PHEX: variants seen among roughly 807,000 people sequenced by gnomAD.
The protein encoded by PHEX is phosphate regulating endopeptidase X-linked, also known as phosphate-regulating neutral endopeptidase PHEX.
Under a neutral mutation model 68.0 loss-of-function variants are expected in PHEX, and 16 were observed. The ratio of observed to expected loss-of-function variants is 0.24; its 90% confidence interval spans 0.16 to 0.36. The LOEUF is 0.36. Among genes scored for constraint, PHEX ranks in the 10% least tolerant of loss-of-function variants. The probability of loss-of-function intolerance (pLI) is 1.00; values close to 1 mark genes in which losing one functional copy is unlikely to be tolerated. For missense variants in PHEX, 480 were observed against 575.5 expected, an observed-to-expected ratio of 0.83 and a Z score of 1.70; for synonymous variants, 208 against 205.1, an observed-to-expected ratio of 1.01 and a Z score of -0.12.
chrX:22,113,967 C>G (rs1459096467), intron 10 of PHEX, among the ~76,000 whole-genome samples: 1 of 35,537 alleles, frequency 2.8e-5, no homozygotes, highest in Non-Finnish European at 5.2e-5. Flanking sequence ...TTTTTTTTTT[C>G]CAGACAGAGT....
At chrX:22,232,701 T>A (rs750891206) in intron 20 of PHEX, among the ~76,000 whole-genome samples, 17 of 105,100 alleles carry the variant, frequency 1.6e-4, no homozygotes, top group Non-Finnish European at 2.9e-4. Context: ...TCTTTGCATG[T>A]GAGATGGGTT....
At chrX:22,197,845 G>C (rs971571336) in intron 15 of PHEX, among the ~76,000 whole-genome samples, 1 of 110,202 alleles carries the variant, frequency 9.1e-6, no homozygotes, top group Non-Finnish European at 1.9e-5. Context: ...ATGACAGTTT[G>C]ATTTTGAATC....
intron 12 of PHEX, among the ~76,000 whole-genome samples, chrX:22,147,432 G>C (rs1236768749): frequency 2.7e-5 from 3 of 110,688 alleles, no homozygotes; most frequent in East Asian, 5.7e-4. Flanking sequence ...TCTGGCTGCT[G>C]GTCCTGCTCA....
intron 21 of PHEX, among the ~76,000 whole-genome samples, chrX:22,247,317 A>G (rs1366344805): frequency 8.9e-6 from 1 of 112,333 alleles, no homozygotes; most frequent in African/African-American, 3.2e-5. Flanking sequence ...AAGAAATCAA[A>G]GACCAAACAG....
At chrX:22,202,380 G>C (rs1014303864) in intron 15 of PHEX, among the ~76,000 whole-genome samples, 46 of 111,946 alleles carry the variant, frequency 4.1e-4, no homozygotes, top group Non-Finnish European at 4.9e-4. Context: ...TTTCTTTAGA[G>C]TAAATTCCTA....
intron 20 of PHEX, 149 bp downstream of exon 20, chrX:22,227,760 ATCT>A: frequency 4.1e-6 from 2 of 491,024 alleles, no homozygotes. Flanking sequence ...GGTAAATCTC[ATCT>A]TCTTAATGTT....
chrX:22,062,182 C>T (rs1465719792), intron 3 of PHEX, among the ~76,000 whole-genome samples: 1 of 111,520 alleles, frequency 9.0e-6, no homozygotes, highest in Non-Finnish European at 1.9e-5. Context: ...GCCACTGAAC[C>T]ACCCATGCGG....
intron 12 of PHEX, among the ~76,000 whole-genome samples, chrX:22,166,831 T>C (rs1325463828): frequency 1.8e-5 from 2 of 111,516 alleles, no homozygotes; most frequent in African/African-American, 6.5e-5. Context: ...CTGTTATGAG[T>C]TTGACTGCTT....
Position 22,032,950 on chromosome X carries a change from A to C in PHEX, c.-56A>C. 1 of 923,243 alleles carries C rather than the reference A, an allele frequency of 1.1e-6. No individual in the cohort carries two copies. The highest frequency in any genetic ancestry group is 1.6e-6 in the Non-Finnish European group (1 of 632,362). The allele number at this position is 923,243 out of a possible 1,213,427, so 76.1% of individuals were successfully genotyped here. A position where few individuals can be genotyped will look rare whatever the true frequency, so the allele number is the denominator to read the frequency against. ...ATGTCAACGCCTCGCTCTTGAGACC[A>C]GCCACCAAACCACGAAAAGTGACTT... is the stretch of plus-strand genomic sequence containing the variant. On this transcript the variant is annotated 5_prime_UTR_variant, in exon 1 of 22. Transcript: ENST00000379374.
At chrX:22,040,661 A>T (rs760980305) in intron 2 of PHEX, among the ~76,000 whole-genome samples, 4 of 111,364 alleles carry the variant, frequency 3.6e-5, no homozygotes, top group African/African-American at 1.3e-4. Flanking sequence ...GGTGGGGGGA[A>T]CAGATGGGGC....
intron 2 of PHEX, among the ~76,000 whole-genome samples, chrX:22,043,975 C>T (rs777697614): frequency 3.6e-5 from 4 of 111,583 alleles, no homozygotes; most frequent in East Asian, 2.8e-4. Flanking sequence ...AAGTGCAGCC[C>T]TGTGCCCCGC....
In PHEX at chrX:22,044,757, T is replaced by TAAAAA. The variant is rs1175016519; in HGVS notation, c.188-2292_188-2291insAAAAA. ...AAATAAATAATAAAAAATAAAAAAGTAGCAGTAATTAAAAATGTAATTAGA... is the reference window on the plus strand; with the variant it reads ...AAATAAATAATAAAAAATAAAAAAGTAAAAAAGCAGTAATTAAAAATGTAATTAGA... On this transcript the variant is annotated intron_variant, in intron 2 of 21. Transcript: ENST00000379374. Among the ~76,000 whole-genome samples the TAAAAA allele has an allele frequency of 5.1e-5, 5 of 98,208 alleles. No individual in the cohort carries two copies. In the East Asian group the frequency reaches 1.3e-3, roughly 25 times the overall value. The allele number at this position is 98,208 out of a possible 115,157, so 85.3% of individuals were successfully genotyped here.
intron 15 of PHEX, among the ~76,000 whole-genome samples, chrX:22,209,931 T>G (rs1934859331): frequency 9.6e-6 from 1 of 104,265 alleles, no homozygotes; most frequent in Admixed American, 1.0e-4. Context: ...CGAGGTGGTG[T>G]TGAAATGGTA....
At chrX:22,110,245 G>A (rs907160060) in intron 9 of PHEX, among the ~76,000 whole-genome samples, 1 of 111,903 alleles carries the variant, frequency 8.9e-6, no homozygotes, top group African/African-American at 3.2e-5. Flanking sequence ...ATGTAAACAA[G>A]AGTTAAGTTC....
intron 3 of PHEX, among the ~76,000 whole-genome samples, chrX:22,052,947 A>G (rs1381505739): frequency 9.0e-6 from 1 of 111,388 alleles, no homozygotes; most frequent in African/African-American, 3.3e-5. Flanking sequence ...AAGCTATTGA[A>G]ATAAAAAATA....
intron 5 of PHEX, among the ~76,000 whole-genome samples, chrX:22,087,569 A>G (rs1240729988): frequency 8.9e-6 from 1 of 111,950 alleles, no homozygotes; most frequent in East Asian, 2.8e-4. Context: ...TATTAAGGGC[A>G]GTTTCATGGA....
chrX:22,228,108 A>G (rs1935571330), intron 20 of PHEX, among the ~76,000 whole-genome samples: 1 of 112,051 alleles, frequency 8.9e-6, no homozygotes, highest in Non-Finnish European at 1.9e-5. Context: ...AAGGAGAGTC[A>G]TGTCACTCTT....
intron 10 of PHEX, 91 bp downstream of exon 10, chrX:22,111,651 T>G: frequency 1.4e-6 from 1 of 698,235 alleles, no homozygotes; most frequent in African/African-American, 2.1e-5. Flanking sequence ...AAAATCATCT[T>G]TAGGGATTAG....
chrX:22,126,443 G>A (rs749251221), intron 11 of PHEX, among the ~76,000 whole-genome samples: 1 of 111,688 alleles, frequency 9.0e-6, no homozygotes, highest in South Asian at 3.7e-4. Flanking sequence ...AACTACAACC[G>A]ATCATGGGGC....
Sources: allele counts gnomAD v4.1 joint callset (sites outside exome capture counted in the v4.1 genomes callset), GRCh38; gene constraint gnomAD v4.1.1; transcripts MANE v1.5; gene names NCBI Gene and HGNC (gene_info 2026-07-23, HGNC 2026-07-21).